Variants in MID1 observed in about 807,000 individuals in gnomAD.
MID1 encodes the protein E3 ubiquitin-protein ligase Midline-1.
In MID1, 7 loss-of-function variants were observed where a neutral mutation model predicts 40.4. The observed-to-expected ratio is 0.17, with a 90% CI of 0.10 to 0.33. The LOEUF (loss-of-function observed/expected upper bound fraction) is 0.33. Among genes scored for constraint, MID1 ranks in the 10% least tolerant of loss-of-function variants. MID1 has a pLI of 1.00. For missense variants in MID1, 367 were observed against 558.5 expected, an observed-to-expected ratio of 0.66 and a Z score of 3.46; for synonymous variants, 229 against 221.2, an observed-to-expected ratio of 1.04 and a Z score of -0.31.
At chrX:10,790,539 C>T (rs1447600596) in intron 1 of MID1, among the ~76,000 whole-genome samples, 3 of 110,324 alleles carry the variant, frequency 2.7e-5, no homozygotes, top group Admixed American at 1.9e-4. Flanking sequence ...TATTTTCATC[C>T]GCTTTCCTAC....
chrX:10,613,728 TATATAGAGAGAGAG>T (rs1219247585), intron 1 of MID1, among the ~76,000 whole-genome samples: 8 of 40,073 alleles, frequency 2.0e-4, no homozygotes, highest in Non-Finnish European at 2.7e-4. Context: ...TATATATATA[TATATAGAGAGAGAG>T]AGAGAGAGAG....
chrX:10,802,010 C>T (rs934904023), intron 1 of MID1, among the ~76,000 whole-genome samples: 1 of 109,965 alleles, frequency 9.1e-6, no homozygotes, highest in African/African-American at 3.3e-5. Context: ...GGTGAAACCC[C>T]ATCTCTACTA....
At position 10,469,770 on chromosome X, in the gene MID1, G is replaced by A. The variant is rs748307498; in HGVS notation, c.1212C>T (p.Thr404=). 6.6e-6 allele frequency: 8 copies of A among 1,208,619 alleles called. No homozygotes were observed. The African/African-American group carries it at 1.1e-4, about 16-fold the overall frequency. Reference sequence around the variant, plus strand: ...AGACCACGCTGAACTCATCATCGGAGGTCCAATGCACAGTGATGGTGTCAT... The same window carrying A: ...AGACCACGCTGAACTCATCATCGGAAGTCCAATGCACAGTGATGGTGTCAT... ...ASYDTITVHW[T]SDDEFSVVSY... Residue 404 remains threonine (T), a synonymous_variant, in exon 7 of 10, where the codon ACC becomes ACT. Transcript: ENST00000317552.
chrX:10,496,723 G>A (rs1360438165), intron 3 of MID1, among the ~76,000 whole-genome samples: 5 of 112,104 alleles, frequency 4.5e-5, no homozygotes, highest in African/African-American at 1.6e-4. Flanking sequence ...ACTGGAAGTA[G>A]GGTCATGAGT....
intron 1 of MID1, among the ~76,000 whole-genome samples, chrX:10,698,194 C>G (rs770758515): frequency 4.4e-4 from 49 of 111,947 alleles, no homozygotes; most frequent in Admixed American, 9.5e-5. Context: ...CTGGAGGGAC[C>G]ATTTACTCTG....
intron 2 of MID1, among the ~76,000 whole-genome samples, chrX:10,566,532 C>CCT (rs773613255): frequency 0.078 from 4,122 of 52,705 alleles, 133 homozygotes; most frequent in East Asian, 0.13. Context: ...CCTCTCTCTC[C>CCT]CTCTCTCTCT....
At chrX:10,541,812 A>C (rs1286119035) in intron 2 of MID1, among the ~76,000 whole-genome samples, 2 of 100,590 alleles carry the variant, frequency 2.0e-5, no homozygotes, top group East Asian at 7.6e-4. Flanking sequence ...ATTAAGAAAC[A>C]AATAGAGGAA....
At position 10,567,246 on chromosome X, in the gene MID1, C is replaced by T. The variant is rs202142461; in HGVS notation, c.302G>A (p.Arg101His). Residue 101 changes from arginine to histidine, a missense_variant, in exon 2 of 10, where the codon CGT (arginine) becomes CAT (histidine). By Grantham distance (29) the Arg-to-His change is conservative. This residue lies in a region of MID1 where 78 missense variants were observed against 112.6 expected (regional missense o/e 0.69). Transcript: ENST00000317552. ...GTTGGCGTCAAAGGCCCGCTCCCGA[C>T]GGGTCTCGCTGGGAGAGTTGGGCCC... is the stretch of plus-strand genomic sequence containing the variant. ...VSGPNSPSET[R>H]RERAFDANTM... The T allele has an allele frequency of 1.6e-4, 199 of 1,207,109 alleles. No homozygotes were observed. The highest frequency in any genetic ancestry group is 2.1e-4 in the Non-Finnish European group (188 of 893,367).
chrX:10,769,380 G>A (rs1463568517), intron 1 of MID1, among the ~76,000 whole-genome samples: 1 of 111,161 alleles, frequency 9.0e-6, no homozygotes, highest in Non-Finnish European at 1.9e-5. Context: ...TTACTAATAC[G>A]TGTTATTCAA....
At chrX:10,521,289 T>C (rs1401434168) in intron 3 of MID1, among the ~76,000 whole-genome samples, 2 of 109,846 alleles carry the variant, frequency 1.8e-5, no homozygotes, top group Non-Finnish European at 3.8e-5. Context: ...CAATTCGACA[T>C]GAGATTGGGG....
At chrX:10,736,404 A>G (rs771264003) in intron 1 of MID1, among the ~76,000 whole-genome samples, 12 of 112,572 alleles carry the variant, frequency 1.1e-4, no homozygotes, top group South Asian at 7.3e-4. Flanking sequence ...AAGAGCAAAT[A>G]AACATTTTCT....
intron 4 of MID1, among the ~76,000 whole-genome samples, chrX:10,489,541 T>G (rs1011843450): frequency 8.9e-6 from 1 of 112,253 alleles, no homozygotes; most frequent in Non-Finnish European, 1.9e-5. Flanking sequence ...CACTTGTCCA[T>G]ATATGTATGA....
intron 2 of MID1, among the ~76,000 whole-genome samples, chrX:10,558,168 G>A (rs896796507): frequency 4.5e-5 from 5 of 110,523 alleles, no homozygotes; most frequent in African/African-American, 9.9e-5. Context: ...TTCCCTCCAG[G>A]TGACTCTTCC....
At chrX:10,715,010 T>A (rs1473699769) in intron 1 of MID1, among the ~76,000 whole-genome samples, 4 of 112,809 alleles carry the variant, frequency 3.5e-5, no homozygotes, top group Non-Finnish European at 7.5e-5. Flanking sequence ...AAAGAAATAA[T>A]TTAATTGGCA....
At chrX:10,765,089 A>C (rs530978102) in intron 1 of MID1, among the ~76,000 whole-genome samples, 168 of 111,556 alleles carry the variant, frequency 1.5e-3, no homozygotes, top group African/African-American at 5.4e-3. Context: ...GAAAAATATT[A>C]GGGAAAGGAA....
intron 1 of MID1, among the ~76,000 whole-genome samples, chrX:10,812,191 T>G (rs763206150): frequency 1.8e-5 from 2 of 111,478 alleles, no homozygotes; most frequent in African/African-American, 6.5e-5. Flanking sequence ...TGGGGGCAGT[T>G]TTGACAGGGT....
At chrX:10,591,058 T>C (rs1388663970) in intron 1 of MID1, among the ~76,000 whole-genome samples, 4 of 111,684 alleles carry the variant, frequency 3.6e-5, no homozygotes, top group African/African-American at 6.5e-5. Flanking sequence ...AAAGGCAAAA[T>C]TAAAATAACT....
Position 10,454,774 on chromosome X carries a change from ATTCTTT to A in MID1, c.1655+90_1655+95del, listed in dbSNP as rs1476492805. The A allele has an allele frequency of 2.0e-5, 15 of 761,788 alleles. No homozygotes were observed. The African/African-American group carries it at 2.7e-4, about 14-fold the overall frequency. The allele number at this position is 761,788 out of a possible 1,213,427, so 62.8% of individuals were successfully genotyped here. On this transcript the variant is annotated intron_variant, in intron 9 of 9. Coordinates refer to ENST00000317552, the MANE Select transcript of MID1 (RefSeq NM_000381.4). ...GACTAATACAACTTTTCTGCATTTTATTCTTTAAGATGCATTACAGTATGGGTTGAC... is the reference window on the plus strand; with the variant it reads ...GACTAATACAACTTTTCTGCATTTTAAAGATGCATTACAGTATGGGTTGAC...
intron 4 of MID1, among the ~76,000 whole-genome samples, chrX:10,488,796 C>A (rs1478850514): frequency 9.0e-6 from 1 of 111,279 alleles, no homozygotes; most frequent in African/African-American, 3.3e-5. Flanking sequence ...AAAGGCAAGA[C>A]TGGCTTAGCC....
Sources: gnomAD v4.1 joint callset for allele counts (sites outside exome capture counted in the v4.1 genomes callset) on GRCh38, gnomAD v4.1.1 for gene constraint, gnomAD v4.1.1 regional missense constraint, MANE v1.5 for transcripts, NCBI Gene and HGNC (gene_info 2026-07-23, HGNC 2026-07-21) for gene names.